FYB1: variants seen among roughly 807,000 people sequenced by gnomAD.
The protein encoded by FYB1 is FYN binding protein 1, also known as FYN-binding protein 1.
In FYB1, 41 loss-of-function variants were observed where a neutral mutation model predicts 94.1. The observed-to-expected ratio is 0.44, with a 90% CI of 0.34 to 0.57. FYB1 has a LOEUF of 0.57. FYB1 is among the 20% of genes least tolerant of loss of function. The pLI is 0.02. For synonymous variants in FYB1, 367 were observed against 353.2 expected (o/e 1.04, Z -0.44); for missense variants, 1,050 against 976.8 (o/e 1.07, Z -1.00).
intron 3 of FYB1, among the ~76,000 whole-genome samples, chr5:39,142,213 G>C (rs1447268976): frequency 6.6e-6 from 1 of 152,094 alleles, no homozygotes; most frequent in Non-Finnish European, 1.5e-5. Flanking sequence ...TTTTTGTGTA[G>C]TCAGCCTTCT....
At chr5:39,167,267 CTCTG>C (rs1744825662) in intron 2 of FYB1, among the ~76,000 whole-genome samples, 1 of 151,350 alleles carries the variant, frequency 6.6e-6, no homozygotes, top group South Asian at 2.1e-4. Context: ...CTCTCTCTCT[CTCTG>C]TCTCTCTCTC....
In FYB1 at chr5:39,231,234, T is replaced by A. The variant is rs941446496; in HGVS notation, c.-27-28247A>T. On this transcript the variant is annotated intron_variant, in intron 1 of 1. Transcript: ENST00000510188. ...TGCTGTTGCCCTGGGATTTCTGTGT[T>A]ACCTTGGACAAGTCATGTCCCCATT... 2.0e-5 allele frequency among the ~76,000 whole-genome samples: 3 copies of A among 152,006 alleles called. No homozygotes were observed. The East Asian group carries it at 5.8e-4, about 30-fold the overall frequency.
chr5:39,228,898 G>T (rs188604654), intron 1 of FYB1, among the ~76,000 whole-genome samples: 200 of 152,096 alleles, frequency 1.3e-3, no homozygotes, highest in African/African-American at 4.5e-3. Flanking sequence ...GACCCCTTTG[G>T]GATTTTTACC....
At chr5:39,242,428 T>C (rs1281760965) in intron 1 of FYB1, among the ~76,000 whole-genome samples, 3 of 152,124 alleles carry the variant, frequency 2.0e-5, no homozygotes, top group South Asian at 2.1e-4. Flanking sequence ...TTGAGAATGA[T>C]GGTTTCCAGC....
Position 39,262,334 on chromosome 5 carries a change from A to G in FYB1, c.-28+12069T>C, listed in dbSNP as rs75769666. On this transcript the variant is annotated intron_variant, in intron 1 of 1. Transcript: ENST00000510188. ...AAAATCTATAAAAAATGGATGAAAC[A>G]CATGAGAGATAATTTACAGAAGAGT... 8.0e-3 allele frequency among the ~76,000 whole-genome samples: 1,223 copies of G among 152,306 alleles called. 12 individuals are homozygous for G. Among genetic ancestry groups the G allele is most frequent in the African/African-American group, 0.028 (1,157 of 41,560 alleles).
At chr5:39,139,127 A>T in intron 5 of FYB1, 106 bp downstream of exon 5, 1 of 1,150,966 alleles carries the variant, frequency 8.7e-7, no homozygotes, top group South Asian at 1.7e-5. Context: ...ATCATTGCTC[A>T]TAAGGATTTT....
upstream of FYB1, among the ~76,000 whole-genome samples, chr5:39,222,978 A>T (rs150783836): frequency 6.5e-3 from 982 of 152,150 alleles, 15 homozygotes; most frequent in African/African-American, 0.022. Context: ...TGGAGGGGAG[A>T]GCATCAGGAA....
At chr5:39,155,858 G>T (rs944279141) in intron 2 of FYB1, among the ~76,000 whole-genome samples, 6 of 152,044 alleles carry the variant, frequency 3.9e-5, no homozygotes, top group African/African-American at 1.4e-4. Context: ...AATTTGACAT[G>T]CCTCTTTTAT....
In FYB1 at chr5:39,118,883, C is replaced by T; in HGVS notation, c.2392G>A (p.Glu798Lys). The change falls in exon 16 of 19, where the codon GAA becomes AAA. Residue 798 changes from glutamate (E) to lysine (K), a missense_variant. Coordinates refer to ENST00000512982, the MANE Select transcript of FYB1 (RefSeq NM_001465.6). Reference sequence around the variant, plus strand: ...ATAAGCAGTGACTTACATTTCCCTTCTTCATTTCTGCAGAGAACTTTTGTG... The same window carrying T: ...ATAAGCAGTGACTTACATTTCCCTTTTTCATTTCTGCAGAGAACTTTTGTG... ...DDTKVLCRNE[E>K]GKYGYVLRSY... 1 of 1,512,264 alleles carries T rather than the reference C, an allele frequency of 6.6e-7. No homozygotes were observed. The highest frequency in any genetic ancestry group is 8.9e-7 in the Non-Finnish European group (1 of 1,121,968). The allele number at this position is 1,512,264 out of a possible 1,614,324, so 93.7% of individuals were successfully genotyped here.
chr5:39,161,261 G>A (rs894539836), intron 2 of FYB1, among the ~76,000 whole-genome samples: 2 of 152,104 alleles, frequency 1.3e-5, no homozygotes, highest in Non-Finnish European at 2.9e-5. Context: ...TTCACTGATT[G>A]ATTTTCTTTT....
At chr5:39,168,072 G>A (rs1744904193) in intron 2 of FYB1, among the ~76,000 whole-genome samples, 1 of 152,158 alleles carries the variant, frequency 6.6e-6, no homozygotes, top group South Asian at 2.1e-4. Context: ...CAAACTAGAT[G>A]TGTCTCTGTG....
chr5:39,233,657 T>C (rs902545828), intron 1 of FYB1, among the ~76,000 whole-genome samples: 2 of 152,198 alleles, frequency 1.3e-5, no homozygotes, highest in African/African-American at 4.8e-5. Context: ...TTGTTGTACA[T>C]TTTTGCAAAT....
intron 1 of FYB1, among the ~76,000 whole-genome samples, chr5:39,209,809 TG>T (rs1431380553): frequency 2.6e-5 from 4 of 152,252 alleles, no homozygotes; most frequent in African/African-American, 4.8e-5. Flanking sequence ...ACGTACTGGC[TG>T]ATGGACTGCG....
intron 1 of FYB1, among the ~76,000 whole-genome samples, chr5:39,271,933 T>G (rs1752679247): frequency 6.6e-6 from 1 of 152,190 alleles, no homozygotes; most frequent in African/African-American, 2.4e-5. Flanking sequence ...TAACACATTT[T>G]CCAGAATGCT....
At chr5:39,252,205 G>C (rs1271764551) in intron 1 of FYB1, among the ~76,000 whole-genome samples, 2 of 151,774 alleles carry the variant, frequency 1.3e-5, no homozygotes, top group Non-Finnish European at 2.9e-5. Context: ...AATATAGATG[G>C]CTCAAAACAG....
chr5:39,184,585 G>A (rs1746574212), intron 2 of FYB1, among the ~76,000 whole-genome samples: 1 of 152,128 alleles, frequency 6.6e-6, no homozygotes, highest in Non-Finnish European at 1.5e-5. Context: ...TTCATTTGAA[G>A]GAACAATTAA....
chr5:39,203,240 C>A (rs865947984), intron 1 of FYB1, among the ~76,000 whole-genome samples: 4 of 152,116 alleles, frequency 2.6e-5, no homozygotes, highest in Admixed American at 6.5e-5. Flanking sequence ...ACTTAAGGAA[C>A]AAATCCTTTC....
intron 1 of FYB1, among the ~76,000 whole-genome samples, chr5:39,244,183 A>C (rs1457110974): frequency 6.6e-6 from 1 of 152,056 alleles, no homozygotes; most frequent in Non-Finnish European, 1.5e-5. Flanking sequence ...ACTATGTTGA[A>C]TAGGACTGGT....
At chr5:39,271,122 A>G (rs1163628002) in intron 1 of FYB1, among the ~76,000 whole-genome samples, 1 of 152,160 alleles carries the variant, frequency 6.6e-6, no homozygotes, top group Non-Finnish European at 1.5e-5. Context: ...ATTATTAAAA[A>G]GAGCAAAAGT....
Sources: allele counts gnomAD v4.1 joint callset (sites outside exome capture counted in the v4.1 genomes callset), GRCh38; gene constraint gnomAD v4.1.1; transcripts MANE v1.5; gene names NCBI Gene and HGNC (gene_info 2026-07-23, HGNC 2026-07-21).